The following TEX9 variants were observed in gnomAD, a reference collection of about 807,000 sequenced individuals.
TEX9 encodes testis expressed 9, also known as testis-expressed protein 9.
TEX9 carries 74 observed loss-of-function variants against 59.6 expected under a neutral mutation model. That is an observed-to-expected ratio of 1.24 (90% confidence interval 1.03 to 1.51). TEX9 has a LOEUF of 1.51. Ranked by LOEUF, TEX9 falls within the 40% of genes most tolerant of loss-of-function variation. TEX9 has a pLI of 0.00. For missense variants in TEX9, 522 were observed against 447.8 expected, an observed-to-expected ratio of 1.17 and a Z score of -1.49; for synonymous variants, 186 against 152.2, an observed-to-expected ratio of 1.22 and a Z score of -1.64.
chr15:56,400,154 G>T (rs1222123120), intron 9 of TEX9, among the ~76,000 whole-genome samples: 1 of 152,194 alleles, frequency 6.6e-6, no homozygotes, highest in Non-Finnish European at 1.5e-5. Flanking sequence ...GACAGAAGTA[G>T]GCTTCAGAAA....
At chr15:56,294,956 C>G (rs1166498100) in intron 1 of TEX9, among the ~76,000 whole-genome samples, 1 of 152,008 alleles carries the variant, frequency 6.6e-6, no homozygotes, top group Non-Finnish European at 1.5e-5. Context: ...CTTAAAAGGA[C>G]CAGTTAACAT....
intron 1 of TEX9, among the ~76,000 whole-genome samples, chr15:56,333,046 A>C (rs2046185694): frequency 6.6e-6 from 1 of 152,244 alleles, no homozygotes. Flanking sequence ...CCAACAAAGC[A>C]AAGCCCAGGA....
chr15:56,261,499 C>G (rs1472719610), intron 1 of TEX9, among the ~76,000 whole-genome samples: 1 of 151,922 alleles, frequency 6.6e-6, no homozygotes, highest in African/African-American at 2.4e-5. Flanking sequence ...AGGTGGATCA[C>G]TTGAGGTCAG....
intron 3 of TEX9, among the ~76,000 whole-genome samples, chr15:56,374,975 A>G (rs111735267): frequency 3.3e-5 from 5 of 152,138 alleles, no homozygotes; most frequent in African/African-American, 7.2e-5. Context: ...TTGCTTCCAG[A>G]TCTTGGCTAT....
intron 10 of TEX9, among the ~76,000 whole-genome samples, chr15:56,426,257 C>G (rs1438143691): frequency 6.6e-6 from 1 of 152,060 alleles, no homozygotes; most frequent in African/African-American, 2.4e-5. Context: ...CAAGTCTACT[C>G]TTTTCCCTCC....
intron 1 of TEX9, among the ~76,000 whole-genome samples, chr15:56,283,049 G>GTGTGTGTGT (rs3222054): frequency 2.7e-5 from 4 of 148,444 alleles, no homozygotes; most frequent in African/African-American, 9.9e-5. Flanking sequence ...TACATTGTGT[G>GTGTGTGTGT]GTGTGTGTGT....
intron 5 of TEX9, 53 bp downstream of exon 5, chr15:56,388,573 AT>A: frequency 6.0e-6 from 9 of 1,499,216 alleles, no homozygotes; most frequent in Non-Finnish European, 8.3e-6. Flanking sequence ...AACTCCGGAT[AT>A]TTTTTAGACT....
chr15:56,402,590 C>T (rs1368872428), intron 9 of TEX9, among the ~76,000 whole-genome samples: 2 of 152,228 alleles, frequency 1.3e-5, no homozygotes, highest in Non-Finnish European at 2.9e-5. Flanking sequence ...CCTTCTGAAA[C>T]TGTTCCAATC....
intron 1 of TEX9, among the ~76,000 whole-genome samples, chr15:56,279,477 A>G (rs1348389121): frequency 6.6e-6 from 1 of 152,240 alleles, no homozygotes; most frequent in East Asian, 1.9e-4. Flanking sequence ...TAAGGTATAT[A>G]GTTATCTAGT....
chr15:56,246,010 A>G (rs547579875), intron 1 of TEX9, among the ~76,000 whole-genome samples: 38 of 151,830 alleles, frequency 2.5e-4, no homozygotes, highest in Admixed American at 1.6e-3. Flanking sequence ...AGGAAGTGGG[A>G]GAGTCATCGA....
chr15:56,362,775 T>G (rs2046814018), upstream of TEX9, among the ~76,000 whole-genome samples: 1 of 152,336 alleles, frequency 6.6e-6, no homozygotes, highest in African/African-American at 2.4e-5. Context: ...ATTGCGGACA[T>G]TTCCTACAAT....
chr15:56,265,493 T>C (rs200130723), intron 1 of TEX9, among the ~76,000 whole-genome samples: 2 of 152,110 alleles, frequency 1.3e-5, no homozygotes, highest in South Asian at 4.1e-4. Context: ...AATATAAGCA[T>C]TAATGCTAAA....
intron 9 of TEX9, 162 bp downstream of exon 9, chr15:56,394,996 T>G: frequency 2.9e-6 from 2 of 697,844 alleles, no homozygotes; most frequent in Admixed American, 6.6e-5. Flanking sequence ...TTTATTGAGA[T>G]GTAATTCACC....
chr15:56,345,599 G>A (rs1271455041), intron 1 of TEX9, among the ~76,000 whole-genome samples: 1 of 152,122 alleles, frequency 6.6e-6, no homozygotes, highest in Admixed American at 6.6e-5. Context: ...TTCTTTCCCA[G>A]CTTTTTAAGG....
exon 7 of TEX9, chr15:56,391,366 A>C: frequency 6.3e-7 from 1 of 1,588,268 alleles, no homozygotes; most frequent in African/African-American, 1.3e-5. Flanking sequence ...AAGAAGGCTT[A>C]CCTGAATATA....
At chr15:56,291,092 G>A (rs2045077951) in intron 1 of TEX9, among the ~76,000 whole-genome samples, 3 of 152,206 alleles carry the variant, frequency 2.0e-5, no homozygotes, top group African/African-American at 7.2e-5. Flanking sequence ...ATAAAGAGAA[G>A]TAAAGCTTCT....
chr15:56,250,905 G>A (rs764554613), intron 1 of TEX9, among the ~76,000 whole-genome samples: 1 of 152,236 alleles, frequency 6.6e-6, no homozygotes, highest in Non-Finnish European at 1.5e-5. Flanking sequence ...TACCTTTACA[G>A]CAACATCCAG....
At chr15:56,277,484 A>G (rs572074626) in intron 1 of TEX9, among the ~76,000 whole-genome samples, 17 of 152,120 alleles carry the variant, frequency 1.1e-4, no homozygotes, top group Non-Finnish European at 2.2e-4. Context: ...AGATGGTTGT[A>G]GATGTGTGGT....
chr15:56,310,438 T>TCAAAA (rs1404103559), intron 1 of TEX9, among the ~76,000 whole-genome samples: 2 of 152,050 alleles, frequency 1.3e-5, no homozygotes, highest in African/African-American at 4.8e-5. Flanking sequence ...GTCTCAAAAA[T>TCAAAA]CAAAACAAAA....
Sources: gnomAD v4.1 joint callset for allele counts (sites outside exome capture counted in the v4.1 genomes callset) on GRCh38, gnomAD v4.1.1 for gene constraint, MANE v1.5 for transcripts, NCBI Gene and HGNC (gene_info 2026-07-23, HGNC 2026-07-21) for gene names.